The following NIPSNAP3B variants were observed in gnomAD, a reference collection of about 807,000 sequenced individuals.
NIPSNAP3B encodes the protein protein NipSnap homolog 3B.
A neutral mutation model predicts 31.5 loss-of-function variants in NIPSNAP3B; 30 were observed. That is an observed-to-expected ratio of 0.95 (90% confidence interval 0.71 to 1.29). The LOEUF is 1.29. Ranked by LOEUF, NIPSNAP3B falls within the 50% of genes most tolerant of loss-of-function variation. The pLI is 0.00. For synonymous variants in NIPSNAP3B, 106 were observed against 107.9 expected, an observed-to-expected ratio of 0.98 and a Z score of 0.11; for missense variants, 269 against 300.7, an observed-to-expected ratio of 0.89 and a Z score of 0.78.
At chr9:104,788,144 G>A in the NIPSNAP3B span, 1 of 1,384,920 alleles carries the variant, frequency 7.2e-7, no homozygotes, top group Non-Finnish European at 1.0e-6. Context: ...TTCTTTCACT[G>A]AGTAGGACTA....
downstream of NIPSNAP3B, among the ~76,000 whole-genome samples, chr9:104,780,196 T>C (rs1346264414): frequency 1.3e-5 from 2 of 152,166 alleles, no homozygotes; most frequent in African/African-American, 4.8e-5. Context: ...AACTTCAAGA[T>C]AGGAGGATGA....
At chr9:104,765,089 A>G (rs973524536) in intron 1 of NIPSNAP3B, among the ~76,000 whole-genome samples, 1 of 152,224 alleles carries the variant, frequency 6.6e-6, no homozygotes, top group African/African-American at 2.4e-5. Context: ...GGCCATCAAA[A>G]GAAAGGATAG....
At position 104,774,775 on chromosome 9, in the gene NIPSNAP3B, G is replaced by T. The variant is rs1034501038; in HGVS notation, c.*1702G>T. On this transcript the variant is annotated 3_prime_UTR_variant, in exon 6 of 6. Transcript: ENST00000374762. ...AACATGACAGAGATTTGCCTTCCAGGGGGTCTAATTTGAAGAGGAAAGTAA... is the reference window on the plus strand; with the variant it reads ...AACATGACAGAGATTTGCCTTCCAGTGGGTCTAATTTGAAGAGGAAAGTAA... Among the ~76,000 whole-genome samples the T allele has an allele frequency of 2.6e-5, 4 of 152,072 alleles. No homozygotes were observed. The highest frequency in any genetic ancestry group is 9.7e-5 in the African/African-American group (4 of 41,416).
intron 1 of NIPSNAP3B, 39 bp downstream of exon 1, chr9:104,764,339 G>A: frequency 1.3e-6 from 2 of 1,501,426 alleles, no homozygotes; most frequent in Non-Finnish European, 9.0e-7. Flanking sequence ...CTGGCCGGAG[G>A]GGAGGGGAGG....
chr9:104,778,340 C>G (rs1828381180), downstream of NIPSNAP3B, among the ~76,000 whole-genome samples: 1 of 152,152 alleles, frequency 6.6e-6, no homozygotes, highest in African/African-American at 2.4e-5. Context: ...AAGCGATTCT[C>G]TTGTCTCAGC....
chr9:104,772,478 A>G (rs529733282), intron 4 of NIPSNAP3B, among the ~76,000 whole-genome samples: 3 of 151,870 alleles, frequency 2.0e-5, no homozygotes, highest in Non-Finnish European at 4.4e-5. Context: ...ACTAACTTTT[A>G]TTTTTTCTTT....
At position 104,765,474 on chromosome 9, in the gene NIPSNAP3B, C is replaced by T. The variant is rs1828068939; in HGVS notation, c.61-851C>T. Among the ~76,000 whole-genome samples, 3 of 152,176 alleles carry T rather than the reference C, an allele frequency of 2.0e-5. No homozygotes were observed. In the South Asian group the frequency reaches 6.2e-4, roughly 32 times the overall value. On this transcript the variant is annotated intron_variant, in intron 1 of 5. Coordinates refer to ENST00000374762, the MANE Select transcript of NIPSNAP3B (RefSeq NM_018376.4). Reference sequence around the variant, plus strand: ...TGGATAATTTCTGACAGGGCATTTGCTACTGAACATTAAGCTCACTCAGGC... The same window carrying T: ...TGGATAATTTCTGACAGGGCATTTGTTACTGAACATTAAGCTCACTCAGGC...
At chr9:104,789,003 A>G in the NIPSNAP3B span, among the ~76,000 whole-genome samples, 1 of 152,136 alleles carries the variant, frequency 6.6e-6, no homozygotes, top group East Asian at 1.9e-4. Flanking sequence ...TAGAGACACA[A>G]TTTATGTGGT....
rs1828335009 is a variant in NIPSNAP3B at position 104,776,307 on chromosome 9, GC to G, written c.*3237del. The stretch of plus-strand genomic sequence containing the variant: ...CATTTCCATGCCTCCTCAGGTCTTT[GC>G]CCTCATGAAGCCTTCCCTGACAACC... On this transcript the variant is annotated 3_prime_UTR_variant, in exon 6 of 6. Coordinates refer to ENST00000374762, the MANE Select transcript of NIPSNAP3B (RefSeq NM_018376.4). Among the ~76,000 whole-genome samples the G allele has an allele frequency of 6.6e-6, 1 of 152,024 alleles. No homozygotes were observed. Among genetic ancestry groups the G allele is most frequent in the Non-Finnish European group, 1.5e-5 (1 of 68,018 alleles).
chr9:104,785,523 C>T, the NIPSNAP3B span: 7 of 1,613,306 alleles, frequency 4.3e-6, no homozygotes, highest in East Asian at 2.2e-5. Context: ...TAGCATGTTC[C>T]GGTGTTTCTC....
chr9:104,785,518 T>A, the NIPSNAP3B span: 1 of 1,592,640 alleles, frequency 6.3e-7, no homozygotes, highest in East Asian at 2.3e-5. Context: ...TATTGTAGCA[T>A]GTTCCGGTGT....
chr9:104,777,997 G>A (rs1306904722), downstream of NIPSNAP3B, among the ~76,000 whole-genome samples: 1 of 152,200 alleles, frequency 6.6e-6, no homozygotes, highest in African/African-American at 2.4e-5. Context: ...TCTCAGCAAT[G>A]TTGGACATAA....
chr9:104,787,822 A>G, the NIPSNAP3B span: 1 of 1,612,358 alleles, frequency 6.2e-7, no homozygotes, highest in Admixed American at 1.7e-5. Context: ...GGGGAAGACA[A>G]GCCAATCATA....
downstream of NIPSNAP3B, among the ~76,000 whole-genome samples, chr9:104,778,003 C>T (rs2482431): frequency 0.85 from 129,015 of 152,138 alleles, 55,083 homozygotes; most frequent in African/African-American, 0.92. Flanking sequence ...CAATGTTGGA[C>T]ATAATTGACA....
chr9:104,775,961 T>C lies in NIPSNAP3B; in HGVS notation c.*2888T>C, dbSNP rs1013840201. ...TGGATTTTTGGGAAGTGGTCTTAAC[T>C]GGTGTGCTGCCCTTCCCCTCTGCTC... is the stretch of plus-strand genomic sequence containing the variant. On this transcript the variant is annotated 3_prime_UTR_variant, in exon 6 of 6. Coordinates refer to ENST00000374762, the MANE Select transcript of NIPSNAP3B (RefSeq NM_018376.4). Among the ~76,000 whole-genome samples the C allele has an allele frequency of 1.3e-5, 2 of 152,200 alleles. No individual in the cohort carries two copies. The highest frequency in any genetic ancestry group is 2.9e-5 in the Non-Finnish European group (2 of 68,038).
chr9:104,790,899 A>C, the NIPSNAP3B span: 1 of 1,508,096 alleles, frequency 6.6e-7, no homozygotes, highest in South Asian at 1.1e-5. Flanking sequence ...TTGCAGCAAA[A>C]TACAAGCCAC....
At chr9:104,764,349 G>A (rs757640759) in intron 1 of NIPSNAP3B, 49 bp downstream of exon 1, 2 of 1,470,822 alleles carry the variant, frequency 1.4e-6, no homozygotes, top group Admixed American at 2.2e-5. Context: ...GGGAGGGGAG[G>A]GGCGGGGGGT....
At chr9:104,786,760 A>G in the NIPSNAP3B span, 1 of 1,007,378 alleles carries the variant, frequency 9.9e-7, no homozygotes, top group Non-Finnish European at 1.6e-6. Flanking sequence ...TTCAGGTAAT[A>G]ATTGTTTTAC....
chr9:104,782,389 T>A (rs1015943563), downstream of NIPSNAP3B: 8 of 152,094 alleles, frequency 5.3e-5, no homozygotes, highest in Admixed American at 5.2e-4. Context: ...AAATCTGAAG[T>A]CTTACACCTT....
Sources: gnomAD v4.1 joint callset for allele counts (sites outside exome capture counted in the v4.1 genomes callset) on GRCh38, gnomAD v4.1.1 for gene constraint, MANE v1.5 for transcripts, NCBI Gene and HGNC (gene_info 2026-07-23, HGNC 2026-07-21) for gene names.